The following RANBP17 variants were observed in gnomAD, a reference collection of about 807,000 sequenced individuals.
RANBP17 encodes RAN binding protein 17.
RANBP17 carries 158 observed loss-of-function variants against 141.2 expected under a neutral mutation model. The ratio of observed to expected loss-of-function variants is 1.12; its 90% CI spans 0.98 to 1.28. The LOEUF is 1.28. Ranked by LOEUF, RANBP17 falls within the 50% of genes most tolerant of loss-of-function variation. RANBP17 has a pLI of 0.00. For synonymous variants in RANBP17, 430 were observed against 450.0 expected (o/e 0.96, Z 0.56); for missense variants, 1,438 against 1,290.7 (o/e 1.11, Z -1.75).
intron 14 of RANBP17, among the ~76,000 whole-genome samples, chr5:171,130,406 G>A (rs959293079): frequency 7.0e-6 from 1 of 143,032 alleles, no homozygotes; most frequent in Non-Finnish European, 1.5e-5. Context: ...TTTAAAATAT[G>A]CTCAATCAGA....
chr5:171,088,354 C>G (rs532979786), intron 14 of RANBP17, among the ~76,000 whole-genome samples: 1 of 152,224 alleles, frequency 6.6e-6, no homozygotes, highest in South Asian at 2.1e-4. Context: ...GTGGGCTTCC[C>G]TTTGTAAGTA....
chr5:171,205,601 G>A lies in RANBP17; in HGVS notation c.2220G>A (p.Leu740=). 6.2e-7 allele frequency: 1 copy of A among 1,613,340 alleles called. No individual in the cohort carries two copies. Among genetic ancestry groups the A allele is most frequent in the Non-Finnish European group, 8.5e-7 (1 of 1,179,346 alleles). Residue 740 remains leucine, a synonymous_variant, in exon 20 of 28, where the codon CTG becomes CTA. Transcript: ENST00000523189. ...ACACAAAGACCAGCTACACCATGCT[G>A]TTTGACTGGATGTATCCTTATTACA... is the stretch of plus-strand genomic sequence containing the variant. ...ALNTKTSYTM[L]FDWMYPTYLP...
chr5:171,082,187 T>C (rs1234716766), intron 14 of RANBP17, among the ~76,000 whole-genome samples: 1 of 152,076 alleles, frequency 6.6e-6, no homozygotes, highest in African/African-American at 2.4e-5. Flanking sequence ...TCATCTCAAA[T>C]AGAATATCTT....
chr5:170,915,749 C>T (rs1169730463), intron 8 of RANBP17, among the ~76,000 whole-genome samples: 1 of 152,042 alleles, frequency 6.6e-6, no homozygotes, highest in Non-Finnish European at 1.5e-5. Flanking sequence ...CAGGTTCCCC[C>T]TGCCCCCCCC....
intron 14 of RANBP17, among the ~76,000 whole-genome samples, chr5:171,033,055 AC>A (rs1781650352): frequency 1.9e-5 from 1 of 52,278 alleles, no homozygotes; most frequent in Admixed American, 1.9e-4. Context: ...TTTCACCCCC[AC>A]CCCCACCCCC....
At chr5:171,172,688 A>G (rs1760183613) in intron 16 of RANBP17, among the ~76,000 whole-genome samples, 1 of 151,896 alleles carries the variant, frequency 6.6e-6, no homozygotes, top group Admixed American at 6.6e-5. Context: ...GTTATTTTAT[A>G]GCATATATCT....
intron 14 of RANBP17, among the ~76,000 whole-genome samples, chr5:171,154,853 G>A (rs1399294400): frequency 1.3e-5 from 2 of 151,828 alleles, no homozygotes; most frequent in Non-Finnish European, 2.9e-5. Flanking sequence ...GGCACGTGGA[G>A]CACCTGAGGT....
chr5:170,889,063 T>C (rs1769390458), intron 3 of RANBP17, among the ~76,000 whole-genome samples: 1 of 151,398 alleles, frequency 6.6e-6, no homozygotes, highest in Non-Finnish European at 1.5e-5. Context: ...TTTTCTTTCT[T>C]TTTTTTTGTA....
intron 12 of RANBP17, among the ~76,000 whole-genome samples, chr5:170,949,234 CAAATT>C (rs1169814483): frequency 4.6e-5 from 7 of 152,036 alleles, no homozygotes; most frequent in African/African-American, 1.7e-4. Flanking sequence ...ATTAATTAGA[CAAATT>C]AGATAAAACA....
chr5:171,049,672 C>G (rs925143638), intron 14 of RANBP17, among the ~76,000 whole-genome samples: 1 of 152,142 alleles, frequency 6.6e-6, no homozygotes, highest in Non-Finnish European at 1.5e-5. Context: ...GGTCCAGTTT[C>G]AATCCTCTGC....
chr5:171,294,834 GT>G (rs1380665571), intron 26 of RANBP17, among the ~76,000 whole-genome samples: 1 of 152,158 alleles, frequency 6.6e-6, no homozygotes, highest in African/African-American at 2.4e-5. Flanking sequence ...CAAATTCAGT[GT>G]TTAGAAAAAG....
At chr5:170,954,845 G>C (rs1429556296) in intron 13 of RANBP17, among the ~76,000 whole-genome samples, 2 of 152,090 alleles carry the variant, frequency 1.3e-5, no homozygotes, top group Non-Finnish European at 2.9e-5. Context: ...TCTGAAAAAG[G>C]ACCAATGTAT....
chr5:171,066,836 GAAGTT>G (rs1784341333), intron 14 of RANBP17, among the ~76,000 whole-genome samples: 1 of 152,168 alleles, frequency 6.6e-6, no homozygotes, highest in Admixed American at 6.5e-5. Flanking sequence ...TCAAAAGAGA[GAAGTT>G]AAGGGTGTCC....
chr5:171,036,458 G>A lies in RANBP17; in HGVS notation c.1710+68081G>A, dbSNP rs187351800. ...TTCTATCTTTTTCTTTATAATTTCAGCATTTATTTTTAGATGTCAGGGGTA... is the reference window on the plus strand; with the variant it reads ...TTCTATCTTTTTCTTTATAATTTCAACATTTATTTTTAGATGTCAGGGGTA... On this transcript the variant is annotated intron_variant, in intron 14 of 27. Transcript: ENST00000523189. Among the ~76,000 whole-genome samples, 600 of 151,950 alleles carry A rather than the reference G, an allele frequency of 3.9e-3. 7 individuals are homozygous for A. Among genetic ancestry groups the A allele is most frequent in the African/African-American group, 0.014 (575 of 41,434 alleles).
At chr5:170,915,469 A>G (rs1328600603) in intron 8 of RANBP17, among the ~76,000 whole-genome samples, 1 of 152,118 alleles carries the variant, frequency 6.6e-6, no homozygotes, top group Non-Finnish European at 1.5e-5. Flanking sequence ...TGTTTTTAGT[A>G]CGCTAGTGGT....
chr5:171,266,037 CAAG>C (rs1340742074), intron 25 of RANBP17, among the ~76,000 whole-genome samples, 190 bp downstream of exon 25: 1 of 152,100 alleles, frequency 6.6e-6, no homozygotes, highest in Non-Finnish European at 1.5e-5. Context: ...TACCCACCCT[CAAG>C]AAATACCTGG....
chr5:171,155,225 A>G (rs1758816496), intron 14 of RANBP17, among the ~76,000 whole-genome samples: 1 of 150,900 alleles, frequency 6.6e-6, no homozygotes, highest in Non-Finnish European at 1.5e-5. Flanking sequence ...TGCAAGAGGG[A>G]GAATACAATT....
chr5:171,063,989 G>A (rs1016790970), intron 14 of RANBP17, among the ~76,000 whole-genome samples: 3 of 152,226 alleles, frequency 2.0e-5, no homozygotes, highest in Admixed American at 2.0e-4. Flanking sequence ...TAATCTCCTG[G>A]TGCACTGTTT....
chr5:171,249,785 A>C (rs1213769788), intron 24 of RANBP17, among the ~76,000 whole-genome samples: 2 of 152,320 alleles, frequency 1.3e-5, no homozygotes, highest in East Asian at 3.9e-4. Context: ...AAGTGATTGA[A>C]TATTCAAATT....
Sources: allele counts gnomAD v4.1 joint callset (sites outside exome capture counted in the v4.1 genomes callset), GRCh38; gene constraint gnomAD v4.1.1; transcripts MANE v1.5; gene names NCBI Gene and HGNC (gene_info 2026-07-23, HGNC 2026-07-21).